Variants in NLGN1 observed in about 807,000 individuals in gnomAD.
NLGN1 encodes the protein neuroligin-1.
Under a neutral mutation model 65.5 loss-of-function variants are expected in NLGN1, and 12 were observed. The observed-to-expected ratio is 0.18, with a 90% CI of 0.12 to 0.30. NLGN1 has a LOEUF of 0.30. Ranked by LOEUF, NLGN1 falls within the 10% of genes least tolerant of loss-of-function variation. NLGN1 has a pLI of 1.00. For missense variants in NLGN1, 750 were observed against 1,007.1 expected, an observed-to-expected ratio of 0.74 and a Z score of 3.46; for synonymous variants, 350 against 359.5, an observed-to-expected ratio of 0.97 and a Z score of 0.30.
chr3:173,901,700 A>T (rs1379728108), intron 4 of NLGN1, among the ~76,000 whole-genome samples: 2 of 152,018 alleles, frequency 1.3e-5, no homozygotes, highest in East Asian at 3.9e-4. Context: ...TGGAAACTTT[A>T]TTGGGAAATG....
chr3:173,994,219 T>C (rs901037816), intron 4 of NLGN1, among the ~76,000 whole-genome samples: 1 of 152,024 alleles, frequency 6.6e-6, no homozygotes, highest in African/African-American at 2.4e-5. Context: ...GTGATCCTAC[T>C]GCCTCTGCCT....
At chr3:174,096,819 A>G (rs1745615660) in intron 4 of NLGN1, among the ~76,000 whole-genome samples, 2 of 152,112 alleles carry the variant, frequency 1.3e-5, no homozygotes, top group African/African-American at 4.8e-5. Context: ...TTCTAATGTA[A>G]TTGAACGTGT....
At chr3:174,005,252 T>G (rs1724129453) in intron 4 of NLGN1, among the ~76,000 whole-genome samples, 1 of 152,196 alleles carries the variant, frequency 6.6e-6, no homozygotes, top group African/African-American at 2.4e-5. Flanking sequence ...GTAGTTTTAT[T>G]ATAATCTATG....
At chr3:173,500,096 GGAGTGGTAA>G (rs1360483546) in intron 2 of NLGN1, among the ~76,000 whole-genome samples, 4 of 152,110 alleles carry the variant, frequency 2.6e-5, no homozygotes, top group African/African-American at 9.7e-5. Context: ...ATGTTGAATA[GGAGTGGTAA>G]GAGAGGGCAT....
At chr3:174,281,147 T>G (rs781612370) in exon 7 of NLGN1, 1 of 1,613,288 alleles carries the variant, frequency 6.2e-7, no homozygotes, top group Non-Finnish European at 8.5e-7. Flanking sequence ...CACCTGATGA[T>G]GTTCCCTTAA....
chr3:174,264,532 A>G (rs990815119), intron 4 of NLGN1, among the ~76,000 whole-genome samples: 25 of 150,436 alleles, frequency 1.7e-4, no homozygotes, highest in Admixed American at 1.0e-3. Flanking sequence ...TTTCAGCTCC[A>G]TCAGCTCCTT....
chr3:174,238,795 A>G (rs1742234206), intron 4 of NLGN1, among the ~76,000 whole-genome samples: 2 of 152,154 alleles, frequency 1.3e-5, no homozygotes, highest in South Asian at 4.1e-4. Context: ...TTGTTTTCCA[A>G]TTCTTGTAGT....
Position 173,938,774 on chromosome 3 carries a change from G to A in NLGN1, c.646+130942G>A, listed in dbSNP as rs186913524. On this transcript the variant is annotated intron_variant, in intron 4 of 6. Coordinates refer to ENST00000457714, the Ensembl canonical transcript of NLGN1. ...TTCTACTCTGCTTCTTATCTGATCA[G>A]CTCCTACAGTATGAAGTACCGAGAA... Among the ~76,000 whole-genome samples, 247 of 152,178 alleles carry A rather than the reference G, an allele frequency of 1.6e-3. 2 individuals carry two copies. The highest frequency in any genetic ancestry group is 5.7e-3 in the African/African-American group (237 of 41,542).
At chr3:173,528,642 CAT>C (rs1736050189) in intron 2 of NLGN1, among the ~76,000 whole-genome samples, 1 of 152,006 alleles carries the variant, frequency 6.6e-6, no homozygotes, top group Admixed American at 6.6e-5. Context: ...TTTTTTAAAA[CAT>C]ATTTTCTCTT....
intron 4 of NLGN1, among the ~76,000 whole-genome samples, chr3:174,229,818 C>T (rs572398658): frequency 3.3e-5 from 5 of 152,270 alleles, no homozygotes; most frequent in Non-Finnish European, 7.4e-5. Flanking sequence ...ACTGCAATTT[C>T]TTAGCCTTGT....
chr3:173,815,502 A>G (rs963606949), intron 4 of NLGN1, among the ~76,000 whole-genome samples: 17 of 152,140 alleles, frequency 1.1e-4, no homozygotes, highest in African/African-American at 3.9e-4. Context: ...TTTATCTTGT[A>G]TGATCACTTC....
chr3:173,827,476 C>A (rs1194167952), intron 4 of NLGN1, among the ~76,000 whole-genome samples: 2 of 151,756 alleles, frequency 1.3e-5, no homozygotes, highest in African/African-American at 2.4e-5. Flanking sequence ...TCAGTACATG[C>A]AGAAAATATT....
chr3:174,173,401 G>GGCTTTCAGTTTTTCC (rs1232990606), intron 4 of NLGN1, among the ~76,000 whole-genome samples: 1 of 152,102 alleles, frequency 6.6e-6, no homozygotes, highest in Non-Finnish European at 1.5e-5. Flanking sequence ...TTAGAGGAAA[G>GGCTTTCAGTTTTTCC]GCTTTCAGTT....
intron 4 of NLGN1, among the ~76,000 whole-genome samples, chr3:173,924,412 T>C (rs1267205420): frequency 6.6e-6 from 1 of 152,104 alleles, no homozygotes; most frequent in Non-Finnish European, 1.5e-5. Flanking sequence ...ATCTTTTAAC[T>C]GTGCAGGGCT....
intron 2 of NLGN1, among the ~76,000 whole-genome samples, chr3:173,574,972 A>G (rs556310816): frequency 6.6e-6 from 1 of 151,998 alleles, no homozygotes; most frequent in Non-Finnish European, 1.5e-5. Context: ...ACAGCCTCCA[A>G]CTCCTGGGCT....
chr3:174,192,543 T>G (rs1732589882), intron 4 of NLGN1, among the ~76,000 whole-genome samples: 1 of 152,188 alleles, frequency 6.6e-6, no homozygotes, highest in South Asian at 2.1e-4. Flanking sequence ...TTCAGTAAGT[T>G]TCCACTTTGT....
At chr3:174,117,909 G>A (rs6768762) in intron 4 of NLGN1, among the ~76,000 whole-genome samples, 3 of 152,034 alleles carry the variant, frequency 2.0e-5, no homozygotes, top group Non-Finnish European at 4.4e-5. Context: ...CACTCAAGTC[G>A]AATACTCTAT....
intron 2 of NLGN1, among the ~76,000 whole-genome samples, chr3:173,589,904 A>C (rs1445815995): frequency 6.6e-6 from 1 of 152,188 alleles, no homozygotes; most frequent in Non-Finnish European, 1.5e-5. Flanking sequence ...AGTCACAATG[A>C]GTACTCTCAT....
intron 4 of NLGN1, among the ~76,000 whole-genome samples, chr3:173,832,695 A>G (rs1321392764): frequency 6.6e-6 from 1 of 152,214 alleles, no homozygotes; most frequent in Non-Finnish European, 1.5e-5. Flanking sequence ...CACGTTAAAA[A>G]CACATCGTTA....
Sources: allele counts gnomAD v4.1 joint callset (sites outside exome capture counted in the v4.1 genomes callset), GRCh38; gene constraint gnomAD v4.1.1; transcripts MANE v1.5; gene names NCBI Gene and HGNC (gene_info 2026-07-23, HGNC 2026-07-21).